Variants in EPCIP observed in about 807,000 individuals in gnomAD.
The protein encoded by EPCIP is exosomal polycystin 1 interacting protein, also known as exosomal polycystin-1-interacting protein.
At chr21:32,797,958 G>A in the EPCIP span, 1 of 152,110 alleles carries the variant, frequency 6.6e-6, no homozygotes, top group South Asian at 2.1e-4. Context: ...GGACAAGATG[G>A]TCACTAGTAG....
chr21:32,812,516 TA>T, the EPCIP span, among the ~76,000 whole-genome samples: 10 of 152,320 alleles, frequency 6.6e-5, no homozygotes, highest in East Asian at 1.9e-3. Context: ...CTCATTTCCA[TA>T]AATACTTTAT....
the EPCIP span, among the ~76,000 whole-genome samples, chr21:32,803,788 C>T: frequency 2.0e-5 from 3 of 152,300 alleles, no homozygotes; most frequent in South Asian, 2.1e-4. Flanking sequence ...CATTCCACAA[C>T]AGCACATCCT....
At chr21:32,792,397 G>T in the EPCIP span, among the ~76,000 whole-genome samples, 1 of 152,074 alleles carries the variant, frequency 6.6e-6, no homozygotes, top group Non-Finnish European at 1.5e-5. Flanking sequence ...TTAATTATCT[G>T]TTAATAATTT....
At chr21:32,802,397 G>C in the EPCIP span, among the ~76,000 whole-genome samples, 1 of 152,184 alleles carries the variant, frequency 6.6e-6, no homozygotes, top group Non-Finnish European at 1.5e-5. Context: ...CTCTTTGGAG[G>C]CTCCTGCAAG....
chr21:32,795,487 ATGAC>A, the EPCIP span, among the ~76,000 whole-genome samples: 1 of 152,210 alleles, frequency 6.6e-6, no homozygotes, highest in African/African-American at 2.4e-5. Flanking sequence ...CATTCCCCCA[ATGAC>A]TGAGGAGAGA....
the EPCIP span, among the ~76,000 whole-genome samples, chr21:32,803,963 A>G: frequency 6.6e-6 from 1 of 152,078 alleles, no homozygotes; most frequent in African/African-American, 2.4e-5. Context: ...TTCTGATGTG[A>G]TCGGAATCTC....
At chr21:32,795,003 A>G in the EPCIP span, among the ~76,000 whole-genome samples, 1 of 152,252 alleles carries the variant, frequency 6.6e-6, no homozygotes, top group Non-Finnish European at 1.5e-5. Context: ...ACAACATAGC[A>G]TGAATACCAA....
At chr21:32,803,368 C>A in the EPCIP span, among the ~76,000 whole-genome samples, 1 of 152,066 alleles carries the variant, frequency 6.6e-6, no homozygotes, top group African/African-American at 2.4e-5. Context: ...GGGGTGGAGA[C>A]CCACGCTGGG....
chr21:32,808,867 T>C, the EPCIP span, among the ~76,000 whole-genome samples: 1 of 152,184 alleles, frequency 6.6e-6, no homozygotes. Context: ...GAATTTTATT[T>C]AAAAAGAGTG....
the EPCIP span, chr21:32,793,685 C>T: frequency 1.9e-5 from 26 of 1,353,484 alleles, no homozygotes; most frequent in East Asian, 3.0e-4. Flanking sequence ...ACCTATCTCA[C>T]GGCCTTATTT....
chr21:32,794,131 C>A, the EPCIP span: 1 of 1,614,020 alleles, frequency 6.2e-7, no homozygotes, highest in South Asian at 1.1e-5. Context: ...CTTGGACCAG[C>A]GTGAAGTTCA....
the EPCIP span, among the ~76,000 whole-genome samples, chr21:32,808,890 A>G: frequency 6.6e-6 from 1 of 152,178 alleles, no homozygotes; most frequent in African/African-American, 2.4e-5. Flanking sequence ...TCCTGATCTC[A>G]TTGATGACTC....
chr21:32,809,543 A>G, the EPCIP span, among the ~76,000 whole-genome samples: 5 of 151,458 alleles, frequency 3.3e-5, no homozygotes, highest in African/African-American at 4.9e-5. Context: ...AATGTTTAAA[A>G]TTTTTTGTAG....
At chr21:32,791,199 C>T in the EPCIP span, 1 of 152,160 alleles carries the variant, frequency 6.6e-6, no homozygotes, top group Non-Finnish European at 1.5e-5. Flanking sequence ...ATTTTTAGTC[C>T]AGAAATCTGA....
chr21:32,796,496 C>T, the EPCIP span, among the ~76,000 whole-genome samples: 3 of 152,272 alleles, frequency 2.0e-5, no homozygotes, highest in South Asian at 2.1e-4. Context: ...AGATTCGACG[C>T]GGGGGACTGG....
chr21:32,794,486 C>A, the EPCIP span: 3 of 1,488,622 alleles, frequency 2.0e-6, no homozygotes, highest in East Asian at 2.3e-5. Context: ...TGGAACTCAC[C>A]TGAAAGAAAA....
chr21:32,797,103 A>T, the EPCIP span: 8 of 428,842 alleles, frequency 1.9e-5, no homozygotes, highest in South Asian at 1.4e-4. Context: ...TGCCTCCTGG[A>T]CATTAGGAAG....
the EPCIP span, among the ~76,000 whole-genome samples, chr21:32,804,011 C>T: frequency 1.3e-5 from 2 of 152,154 alleles, no homozygotes; most frequent in Non-Finnish European, 2.9e-5. Flanking sequence ...TATATGCTCT[C>T]ATCTGATATT....
the EPCIP span, among the ~76,000 whole-genome samples, chr21:32,802,589 G>A: frequency 2.0e-5 from 3 of 152,280 alleles, no homozygotes; most frequent in South Asian, 6.2e-4. Flanking sequence ...TCCATTTGTT[G>A]ACTCCTTCTA....
Sources: allele counts gnomAD v4.1 joint callset (sites outside exome capture counted in the v4.1 genomes callset), GRCh38; gene constraint gnomAD v4.1.1; transcripts MANE v1.5; gene names NCBI Gene and HGNC (gene_info 2026-07-23, HGNC 2026-07-21).